Variants in CCDC171 observed in about 807,000 individuals in gnomAD.
The protein encoded by CCDC171 is coiled-coil domain containing 171.
CCDC171 carries 177 observed loss-of-function variants against 168.2 expected under a neutral mutation model. The ratio of observed to expected loss-of-function variants is 1.05; its 90% CI spans 0.93 to 1.19. The LOEUF (loss-of-function observed/expected upper bound fraction) is 1.19, where lower values mean the gene tolerates loss of function less well. Among genes scored for constraint, CCDC171 ranks in the 50% most tolerant of loss-of-function variants. The probability of loss-of-function intolerance (pLI) is 0.00; values close to 1 mark genes in which losing one functional copy is unlikely to be tolerated. For missense variants in CCDC171, 1,991 were observed against 1,539.0 expected, an observed-to-expected ratio of 1.29 and a Z score of -4.91; for synonymous variants, 687 against 540.8, an observed-to-expected ratio of 1.27 and a Z score of -3.75.
At chr9:15,864,232 A>G (rs2061675813) in intron 23 of CCDC171, among the ~76,000 whole-genome samples, 1 of 151,982 alleles carries the variant, frequency 6.6e-6, no homozygotes, top group South Asian at 2.1e-4. Context: ...GCCAACATCA[A>G]TCTCTAAAAG....
chr9:16,104,764 T>C, the CCDC171 span, among the ~76,000 whole-genome samples: 1 of 151,614 alleles, frequency 6.6e-6, no homozygotes, highest in South Asian at 2.1e-4. Context: ...AAAACATTCA[T>C]TGAACATGTA....
chr9:15,653,438 G>A (rs1184910643), intron 7 of CCDC171, among the ~76,000 whole-genome samples: 2 of 152,010 alleles, frequency 1.3e-5, no homozygotes, highest in African/African-American at 4.8e-5. Flanking sequence ...CACTGTGCCT[G>A]GCCTAATTTT....
intron 4 of CCDC171, among the ~76,000 whole-genome samples, chr9:16,021,778 A>C (rs917908206): frequency 2.6e-5 from 4 of 152,194 alleles, no homozygotes; most frequent in Non-Finnish European, 4.4e-5. Flanking sequence ...TGAATTCAAG[A>C]TTTGCGATGT....
At chr9:15,983,672 C>A (rs1318476837) in intron 3 of CCDC171, among the ~76,000 whole-genome samples, 1 of 152,076 alleles carries the variant, frequency 6.6e-6, no homozygotes, top group African/African-American at 2.4e-5. Context: ...AAATCACTTT[C>A]ACTGCTGCCA....
chr9:15,858,955 C>T (rs2061444687), intron 23 of CCDC171, among the ~76,000 whole-genome samples: 1 of 152,010 alleles, frequency 6.6e-6, no homozygotes, highest in Non-Finnish European at 1.5e-5. Flanking sequence ...ACATCCTTAC[C>T]TTGTTCATGA....
Position 15,955,127 on chromosome 9 carries a change from T to A in CCDC171, c.3754-16482T>A, listed in dbSNP as rs186929602. On this transcript the variant is annotated intron_variant, in intron 25 of 25. Coordinates refer to ENST00000380701, the MANE Select transcript of CCDC171 (RefSeq NM_173550.4). The stretch of plus-strand genomic sequence containing the variant: ...TAAAAAATTGCTGTAGCTATCTGTG[T>A]GTCAAGGATCAGCCTGAGATGTAAA... 7.0e-3 allele frequency among the ~76,000 whole-genome samples: 1,072 copies of A among 152,290 alleles called. 6 individuals carry two copies. Among genetic ancestry groups the A allele is most frequent in the Middle Eastern group, 0.017 (5 of 294 alleles).
At chr9:15,810,247 A>G (rs1271233129) in intron 21 of CCDC171, among the ~76,000 whole-genome samples, 1 of 152,214 alleles carries the variant, frequency 6.6e-6, no homozygotes, top group Non-Finnish European at 1.5e-5. Context: ...AGCTAGACAC[A>G]GAGTGCTGAT....
intron 25 of CCDC171, among the ~76,000 whole-genome samples, chr9:15,949,711 A>G (rs1423931934): frequency 6.6e-6 from 1 of 152,116 alleles, no homozygotes; most frequent in Non-Finnish European, 1.5e-5. Flanking sequence ...TTGGGCTGAG[A>G]CGATGGGGTT....
chr9:15,676,364 A>G (rs1206273234), intron 9 of CCDC171, among the ~76,000 whole-genome samples: 1 of 151,886 alleles, frequency 6.6e-6, no homozygotes, highest in East Asian at 1.9e-4. Context: ...GACCTTCTGA[A>G]CCCTACTTCT....
At chr9:15,699,582 C>CA (rs2051518975) in intron 11 of CCDC171, among the ~76,000 whole-genome samples, 2 of 152,200 alleles carry the variant, frequency 1.3e-5, no homozygotes, top group South Asian at 4.2e-4. Context: ...TCCACGTCCC[C>CA]ACCAGATTAG....
intron 18 of CCDC171, among the ~76,000 whole-genome samples, chr9:15,775,039 G>T (rs1197444127): frequency 6.6e-6 from 1 of 152,068 alleles, no homozygotes; most frequent in Non-Finnish European, 1.5e-5. Flanking sequence ...CAGAATTTCG[G>T]AAATCACCAC....
chr9:15,716,427 A>T (rs1196375105), intron 11 of CCDC171, among the ~76,000 whole-genome samples: 1 of 151,398 alleles, frequency 6.6e-6, no homozygotes, highest in African/African-American at 2.4e-5. Flanking sequence ...AAGTCAAATC[A>T]CTCAATAAGG....
chr9:16,037,799 T>C (rs769775995), upstream of CCDC171, among the ~76,000 whole-genome samples: 4 of 151,836 alleles, frequency 2.6e-5, no homozygotes, highest in Admixed American at 1.3e-4. Flanking sequence ...AACGTAAACA[T>C]GTGAGGGAGT....
chr9:15,720,056 T>C (rs2053372337), intron 11 of CCDC171, among the ~76,000 whole-genome samples: 1 of 152,224 alleles, frequency 6.6e-6, no homozygotes, highest in Admixed American at 6.5e-5. Flanking sequence ...GTTTCCACAT[T>C]ACTTTTGGTT....
rs375059176 is a variant in CCDC171 at position 15,820,982 on chromosome 9, C to T, written c.3268-25720C>T. Among the ~76,000 whole-genome samples the T allele has an allele frequency of 8.6e-5, 10 of 116,566 alleles. 3 individuals are homozygous for T. Among genetic ancestry groups the T allele is most frequent in the Non-Finnish European group, 1.7e-4 (9 of 51,944 alleles). 76.5% of individuals were successfully genotyped at this position (116,566 alleles called of 152,430 possible). A position where few individuals can be genotyped will look rare whatever the true frequency, so the allele number is the denominator to read the frequency against. On this transcript the variant is annotated intron_variant, in intron 21 of 25. Transcript: ENST00000380701. ...ATCCAGCAGCACATCAAAAAGCTTA[C>T]CCACCATGATCAAGTGGGCTTCATC...
At chr9:16,079,567 A>G in the CCDC171 span, among the ~76,000 whole-genome samples, 1 of 152,226 alleles carries the variant, frequency 6.6e-6, no homozygotes, top group South Asian at 2.1e-4. Context: ...AAAGAACACC[A>G]AAGATTGTCC....
chr9:15,832,737 A>G lies in CCDC171; in HGVS notation c.3268-13965A>G, dbSNP rs116511635. On this transcript the variant is annotated intron_variant, in intron 21 of 25. Transcript: ENST00000380701. ...GTATACTGCTGTCGACTTTATAAGCACTGTATACTTTTTGACTCCTTTACA... is the reference window on the plus strand; with the variant it reads ...GTATACTGCTGTCGACTTTATAAGCGCTGTATACTTTTTGACTCCTTTACA... Among the ~76,000 whole-genome samples the G allele has an allele frequency of 7.9e-3, 1,206 of 152,296 alleles. 12 individuals are homozygous for G. The highest frequency in any genetic ancestry group is 0.028 in the African/African-American group (1,149 of 41,566).
At chr9:15,565,855 T>G (rs2039686608) in intron 2 of CCDC171, among the ~76,000 whole-genome samples, 1 of 152,242 alleles carries the variant, frequency 6.6e-6, no homozygotes, top group Admixed American at 6.5e-5. Flanking sequence ...TGTTTTTGTT[T>G]CCCTTAGGTA....
the CCDC171 span, among the ~76,000 whole-genome samples, chr9:16,076,673 T>C: frequency 1.3e-5 from 2 of 152,194 alleles, no homozygotes; most frequent in African/African-American, 4.8e-5. Flanking sequence ...TTTTGACTTC[T>C]GCCTTTGTCC....
Sources: allele counts gnomAD v4.1 joint callset (sites outside exome capture counted in the v4.1 genomes callset), GRCh38; gene constraint gnomAD v4.1.1; transcripts MANE v1.5; gene names NCBI Gene and HGNC (gene_info 2026-07-23, HGNC 2026-07-21).